Variants in RASSF8 observed in about 807,000 individuals in gnomAD.
RASSF8 encodes Ras association domain family member 8.
Under a neutral mutation model 48.5 loss-of-function variants are expected in RASSF8, and 22 were observed. The ratio of observed to expected loss-of-function variants is 0.45; its 90% CI spans 0.32 to 0.65. The LOEUF (loss-of-function observed/expected upper bound fraction) is 0.65. Among genes scored for constraint, RASSF8 ranks in the 30% least tolerant of loss-of-function variants. The probability of loss-of-function intolerance (pLI) is 0.03; values close to 1 mark genes in which losing one functional copy is unlikely to be tolerated. For synonymous variants in RASSF8, 127 were observed against 171.5 expected, an observed-to-expected ratio of 0.74 and a Z score of 2.03; for missense variants, 418 against 489.2, an observed-to-expected ratio of 0.85 and a Z score of 1.37.
At chr12:26,077,125 A>C (rs915855747), downstream of RASSF8, among the ~76,000 whole-genome samples, 1 of 152,038 alleles carries the variant, frequency 6.6e-6, no homozygotes, top group Admixed American at 6.6e-5. Flanking sequence ...TTTTTCTTGT[A>C]AATTTGTTTG....
chr12:25,974,044 CAG>C (rs1250007663), intron 1 of RASSF8, among the ~76,000 whole-genome samples: 2 of 151,808 alleles, frequency 1.3e-5, no homozygotes, highest in Non-Finnish European at 2.9e-5. Context: ...TTGAGCAAAA[CAG>C]AGAAGTTTGG....
rs533442927 is a variant in RASSF8, at chr12:25,965,092, G to A, written c.-203+5944G>A. ...TGAGTAGCTGGGACTACAGGTCCCC[G>A]CCACCACGCCCAGCTAATTTTTTAC... On this transcript the variant is annotated intron_variant, in intron 1 of 5. Coordinates refer to ENST00000689635, the MANE Select transcript of RASSF8 (RefSeq NM_001394098.1). Among the ~76,000 whole-genome samples, 14 of 151,982 alleles carry A rather than the reference G, an allele frequency of 9.2e-5. No individual in the cohort carries two copies. The South Asian group carries it at 2.7e-3, about 29-fold the overall frequency.
intron 2 of RASSF8, among the ~76,000 whole-genome samples, chr12:26,045,884 G>C (rs978775650): frequency 6.6e-6 from 1 of 152,182 alleles, no homozygotes; most frequent in Non-Finnish European, 1.5e-5. Flanking sequence ...GTGACTGGAA[G>C]GTAACGAACT....
chr12:26,043,501 T>A (rs1943309106), intron 2 of RASSF8, among the ~76,000 whole-genome samples: 1 of 152,174 alleles, frequency 6.6e-6, no homozygotes, highest in Non-Finnish European at 1.5e-5. Flanking sequence ...CAGTTTTATT[T>A]GAAAAACATT....
intron 3 of RASSF8, among the ~76,000 whole-genome samples, chr12:26,060,132 C>T (rs1943707197): frequency 6.6e-6 from 1 of 152,112 alleles, no homozygotes; most frequent in South Asian, 2.1e-4. Flanking sequence ...CTCCTGACCT[C>T]GTGATCTGCC....
chr12:26,031,268 A>G (rs185690165), intron 2 of RASSF8, among the ~76,000 whole-genome samples: 1 of 152,232 alleles, frequency 6.6e-6, no homozygotes, highest in African/African-American at 2.4e-5. Flanking sequence ...TGATTTTGCC[A>G]ATTGTCAAAC....
At chr12:26,059,102 A>G (rs1943682065) in intron 3 of RASSF8, among the ~76,000 whole-genome samples, 1 of 152,240 alleles carries the variant, frequency 6.6e-6, no homozygotes, top group African/African-American at 2.4e-5. Context: ...CCTTTGACAG[A>G]TCATCTATCT....
chr12:25,963,491 A>C (rs1164439196), intron 1 of RASSF8, among the ~76,000 whole-genome samples: 1 of 152,182 alleles, frequency 6.6e-6, no homozygotes, highest in Non-Finnish European at 1.5e-5. Context: ...CTTCTTACAT[A>C]ATTCTGCATT....
chr12:25,977,236 C>T (rs980208941), intron 1 of RASSF8, among the ~76,000 whole-genome samples: 1 of 152,124 alleles, frequency 6.6e-6, no homozygotes, highest in Non-Finnish European at 1.5e-5. Flanking sequence ...GACTTATTAC[C>T]AGTGAATGCA....
At chr12:26,022,842 A>C (rs759097181) in intron 2 of RASSF8, among the ~76,000 whole-genome samples, 2 of 152,116 alleles carry the variant, frequency 1.3e-5, no homozygotes, top group East Asian at 3.9e-4. Context: ...CCCGGGTTCA[A>C]GCAGTTCTCC....
At chr12:25,992,747 G>GA in intron 1 of RASSF8, among the ~76,000 whole-genome samples, 1 of 152,186 alleles carries the variant, frequency 6.6e-6, no homozygotes. Context: ...GGGGTTTGTG[G>GA]AAAAAACACA....
chr12:26,027,331 A>G (rs1228645409), intron 2 of RASSF8, among the ~76,000 whole-genome samples: 2 of 152,236 alleles, frequency 1.3e-5, no homozygotes, highest in African/African-American at 2.4e-5. Flanking sequence ...AGTGAATTGT[A>G]TGGCATGTTA....
intron 2 of RASSF8, among the ~76,000 whole-genome samples, chr12:26,046,850 A>C (rs1007020234): frequency 3.0e-4 from 46 of 152,248 alleles, no homozygotes; most frequent in Non-Finnish European, 2.9e-5. Flanking sequence ...ACTTAAATCT[A>C]CCTTAAAATA....
At chr12:26,021,540 G>A (rs1158177376) in intron 2 of RASSF8, 1 of 152,252 alleles carries the variant, frequency 6.6e-6, no homozygotes, top group Non-Finnish European at 1.5e-5. Context: ...AATGTGGTCA[G>A]AGGTTCTCTT....
At chr12:26,025,179 G>A (rs1290872544) in intron 2 of RASSF8, among the ~76,000 whole-genome samples, 1 of 152,148 alleles carries the variant, frequency 6.6e-6, no homozygotes, top group African/African-American at 2.4e-5. Flanking sequence ...CTGAAGATCA[G>A]AAAGAAGGAT....
At chr12:26,032,838 GC>G (rs1423708077) in intron 2 of RASSF8, among the ~76,000 whole-genome samples, 1 of 152,106 alleles carries the variant, frequency 6.6e-6, no homozygotes, top group Non-Finnish European at 1.5e-5. Flanking sequence ...TACACAATTG[GC>G]CCTGCTCCAA....
intron 1 of RASSF8, among the ~76,000 whole-genome samples, chr12:25,972,318 T>C (rs779112553): frequency 6.6e-6 from 1 of 152,116 alleles, no homozygotes; most frequent in Non-Finnish European, 1.5e-5. Flanking sequence ...GGAAGTTTAT[T>C]ATCAACCATT....
At chr12:25,968,118 T>C (rs1201926328) in intron 1 of RASSF8, among the ~76,000 whole-genome samples, 1 of 152,248 alleles carries the variant, frequency 6.6e-6, no homozygotes, top group African/African-American at 2.4e-5. Flanking sequence ...CTGTGCTTAT[T>C]GCTTCTACTA....
chr12:26,015,305 G>A (rs1032941162), intron 2 of RASSF8, among the ~76,000 whole-genome samples: 1 of 152,042 alleles, frequency 6.6e-6, no homozygotes, highest in Non-Finnish European at 1.5e-5. Context: ...TTATTGAGGA[G>A]CACTTTGTCA....
Sources: gnomAD v4.1 joint callset for allele counts (sites outside exome capture counted in the v4.1 genomes callset) on GRCh38, gnomAD v4.1.1 for gene constraint, MANE v1.5 for transcripts, NCBI Gene and HGNC (gene_info 2026-07-23, HGNC 2026-07-21) for gene names.